DMD: variants seen among roughly 807,000 people sequenced by gnomAD.
DMD encodes the protein mutant dystrophin.
Under a neutral mutation model 330.1 loss-of-function variants are expected in DMD, and 63 were observed. The observed-to-expected ratio is 0.19, with a 90% CI of 0.16 to 0.24. The LOEUF (loss-of-function observed/expected upper bound fraction) is 0.24. Among genes scored for constraint, DMD ranks in the 10% least tolerant of loss-of-function variants. The pLI is 1.00. For synonymous variants in DMD, 1,223 were observed against 959.8 expected, an observed-to-expected ratio of 1.27 and a Z score of -5.07; for missense variants, 3,344 against 2,684.1, an observed-to-expected ratio of 1.25 and a Z score of -5.43.
At chrX:32,649,110 C>T (rs1168417884) in intron 9 of DMD, among the ~76,000 whole-genome samples, 1 of 108,733 alleles carries the variant, frequency 9.2e-6, no homozygotes, top group Non-Finnish European at 1.9e-5. Context: ...TGAAACGATT[C>T]TGTTTTTGTT....
At chrX:31,978,937 C>T (rs2095456923) in intron 44 of DMD, among the ~76,000 whole-genome samples, 1 of 111,934 alleles carries the variant, frequency 8.9e-6, no homozygotes, top group Non-Finnish European at 1.9e-5. Flanking sequence ...CATTTTCAAG[C>T]AAAAGTTATC....
At chrX:32,432,332 C>A (rs1292984596) in intron 29 of DMD, among the ~76,000 whole-genome samples, 1 of 111,702 alleles carries the variant, frequency 9.0e-6, no homozygotes, top group Non-Finnish European at 1.9e-5. Context: ...TTGGGGTTCC[C>A]AGTCTTAGCT....
chrX:32,134,858 T>C (rs948385659), intron 44 of DMD, among the ~76,000 whole-genome samples: 1 of 111,944 alleles, frequency 8.9e-6, no homozygotes, highest in African/African-American at 3.2e-5. Context: ...ATGAAAGGAT[T>C]TGCCAAAAAC....
chrX:32,169,328 T>C (rs1006394326), intron 44 of DMD, among the ~76,000 whole-genome samples: 2 of 111,918 alleles, frequency 1.8e-5, no homozygotes, highest in East Asian at 2.8e-4. Context: ...AACTGATCTC[T>C]ACAAACTTGC....
chrX:31,169,358 T>A (rs745504285), intron 74 of DMD, 85 bp downstream of exon 74: 26 of 688,839 alleles, frequency 3.8e-5, no homozygotes, highest in Non-Finnish European at 6.0e-5. Context: ...ATAAAATGAC[T>A]CTAAGTGAAG....
At chrX:32,555,748 A>G (rs992014726) in intron 16 of DMD, among the ~76,000 whole-genome samples, 3 of 112,033 alleles carry the variant, frequency 2.7e-5, no homozygotes, top group African/African-American at 9.7e-5. Context: ...TATTTAATAC[A>G]TAGTGCTGGG....
chrX:31,179,323 GA>G (rs1161516085), intron 69 of DMD, among the ~76,000 whole-genome samples: 3 of 112,694 alleles, frequency 2.7e-5, no homozygotes, highest in Admixed American at 9.3e-5. Flanking sequence ...ATGGAAGAGA[GA>G]GATGCTCTAA....
At chrX:32,709,890 T>G (rs2065028740) in intron 7 of DMD, among the ~76,000 whole-genome samples, 1 of 111,635 alleles carries the variant, frequency 9.0e-6, no homozygotes. Flanking sequence ...TACCAATGAC[T>G]GAGAAGTAGT....
intron 7 of DMD, among the ~76,000 whole-genome samples, chrX:32,732,260 T>C (rs1468369588): frequency 9.0e-6 from 1 of 110,773 alleles, no homozygotes; most frequent in Non-Finnish European, 1.9e-5. Context: ...TATGGGACTA[T>C]GTGAAAAGAC....
intron 41 of DMD, among the ~76,000 whole-genome samples, chrX:32,339,232 G>A (rs1478305182): frequency 1.8e-5 from 2 of 111,350 alleles, no homozygotes; most frequent in East Asian, 5.6e-4. Flanking sequence ...CATATTCAAG[G>A]CTGTTTATCC....
intron 5 of DMD, among the ~76,000 whole-genome samples, chrX:32,821,036 C>T (rs1036650612): frequency 1.1e-4 from 12 of 110,988 alleles, no homozygotes; most frequent in African/African-American, 3.9e-4. Flanking sequence ...CTATATGGAA[C>T]GGGCTGAAAA....
intron 55 of DMD, among the ~76,000 whole-genome samples, chrX:31,552,703 T>C (rs1372847027): frequency 8.9e-6 from 1 of 111,850 alleles, no homozygotes; most frequent in Non-Finnish European, 1.9e-5. Flanking sequence ...AATGAGCTTG[T>C]CTGGAACAAA....
chrX:31,342,358 T>A (rs752109728), intron 61 of DMD, among the ~76,000 whole-genome samples: 5 of 112,358 alleles, frequency 4.5e-5, no homozygotes, highest in African/African-American at 1.6e-4. Context: ...GCATAAAGTT[T>A]AGTGTGAAAT....
intron 2 of DMD, among the ~76,000 whole-genome samples, chrX:32,928,330 C>T (rs981000734): frequency 3.6e-5 from 4 of 110,012 alleles, no homozygotes; most frequent in Non-Finnish European, 7.6e-5. Context: ...AATATGTATG[C>T]TCTTCGTCAT....
rs180925008 is a variant in DMD, at chrX:31,371,013, A to G, written c.9085-22379T>C. Among the ~76,000 whole-genome samples the G allele has an allele frequency of 5.4e-5, 6 of 111,622 alleles. No individual in the cohort carries two copies. In the East Asian group the frequency reaches 1.7e-3, roughly 31 times the overall value. On this transcript the variant is annotated intron_variant, in intron 60 of 78. Transcript: ENST00000357033. ...GGAAAACAGACTAGTAGTTGCTGGAAGTAGGAGGTAGGGGGGGCAGGGAAG... is the reference window on the plus strand; with the variant it reads ...GGAAAACAGACTAGTAGTTGCTGGAGGTAGGAGGTAGGGGGGGCAGGGAAG...
chrX:32,127,893 TAAG>T lies in DMD; in HGVS notation c.6438+89020_6438+89022del, dbSNP rs1191169491. Among the ~76,000 whole-genome samples, 4 of 112,212 alleles carry T rather than the reference TAAG, an allele frequency of 3.6e-5. No homozygotes were observed. In the South Asian group the frequency reaches 1.5e-3, roughly 41 times the overall value. ...AACCTTCAATTATATGCTATCATAGTAAGAAGATGATTGGACCATAAATGCAAA... is the reference window on the plus strand; with the variant it reads ...AACCTTCAATTATATGCTATCATAGTAAGATGATTGGACCATAAATGCAAA... On this transcript the variant is annotated intron_variant, in intron 44 of 78. Transcript: ENST00000357033.
chrX:32,980,368 CAAAAAAAAAA>C (rs755016078), intron 2 of DMD, among the ~76,000 whole-genome samples: 11 of 42,636 alleles, frequency 2.6e-4, no homozygotes, highest in East Asian at 1.5e-3. Flanking sequence ...GACTCTGTCT[CAAAAAAAAAA>C]AAAAAAAAAA....
At chrX:32,269,373 C>T (rs777767054) in intron 43 of DMD, among the ~76,000 whole-genome samples, 3 of 111,840 alleles carry the variant, frequency 2.7e-5, no homozygotes, top group African/African-American at 9.8e-5. Flanking sequence ...TATCTCAAGT[C>T]GCCCACTTGG....
chrX:31,966,768 G>A (rs1369085001), intron 45 of DMD, among the ~76,000 whole-genome samples: 1 of 110,808 alleles, frequency 9.0e-6, no homozygotes, highest in Non-Finnish European at 1.9e-5. Context: ...AAATTATAAT[G>A]TGCCTTTAGA....
Sources: allele counts gnomAD v4.1 joint callset (sites outside exome capture counted in the v4.1 genomes callset), GRCh38; gene constraint gnomAD v4.1.1; transcripts MANE v1.5; gene names NCBI Gene and HGNC (gene_info 2026-07-23, HGNC 2026-07-21).